The following PRSS3 variants were observed in gnomAD, a reference collection of about 807,000 sequenced individuals.
PRSS3 encodes trypsin-3.
In PRSS3, 14 loss-of-function variants were observed where a neutral mutation model predicts 20.8. That is an observed-to-expected ratio of 0.67 (90% CI 0.44 to 1.05). The LOEUF is 1.05. PRSS3 is among the 50% of genes least tolerant of loss of function. PRSS3 has a pLI of 0.00. For missense variants in PRSS3, 237 were observed against 306.4 expected (o/e 0.77, Z 1.69); for synonymous variants, 91 against 117.6 (o/e 0.77, Z 1.46).
At chr9:33,786,535 G>A in intron 1 of PRSS3, 1 of 764,962 alleles carries the variant, frequency 1.3e-6, no homozygotes, top group South Asian at 1.3e-5. Context: ...TAGGCTCTGT[G>A]TTCAGTGCTG....
intron 1 of PRSS3, among the ~76,000 whole-genome samples, chr9:33,757,635 G>A (rs1206419342): frequency 2.6e-5 from 4 of 152,070 alleles, no homozygotes; most frequent in Admixed American, 1.3e-4. Flanking sequence ...CTTCTTAGGC[G>A]ACTTCAACAA....
chr9:33,784,086 A>C (rs1824285099), intron 1 of PRSS3, among the ~76,000 whole-genome samples: 1 of 152,218 alleles, frequency 6.6e-6, no homozygotes, highest in Non-Finnish European at 1.5e-5. Context: ...CATTAAAATT[A>C]AATGAGAGTT....
At chr9:33,777,186 T>C (rs10971699) in intron 1 of PRSS3, among the ~76,000 whole-genome samples, 9,306 of 152,210 alleles carry the variant, frequency 0.061, 396 homozygotes, top group Non-Finnish European at 0.09. Context: ...CAGAATTTGA[T>C]ATAAAATATT....
At chr9:33,776,884 A>G (rs1185189014) in intron 1 of PRSS3, among the ~76,000 whole-genome samples, 2 of 152,118 alleles carry the variant, frequency 1.3e-5, no homozygotes, top group African/African-American at 2.4e-5. Context: ...AGATATAAAT[A>G]TTAAAAAGCA....
At position 33,799,220 on chromosome 9, in the gene PRSS3, G is replaced by C; in HGVS notation, c.*40G>C. On this transcript the variant is annotated 3_prime_UTR_variant, in exon 5 of 5. Coordinates refer to ENST00000379405, the MANE Select transcript of PRSS3 (RefSeq NM_002771.4). ...CTGCAGTCTCTATACCAATAAAGTG[G>C]CCCTGCTCTCACTCTGTGTCTGTGC... 6.5e-7 allele frequency: 1 copy of C among 1,533,588 alleles called. No homozygotes were observed. The highest frequency in any genetic ancestry group is 1.1e-5 in the South Asian group (1 of 87,600). The allele number at this position is 1,533,588 out of a possible 1,614,324, so 95.0% of individuals were successfully genotyped here.
At chr9:33,795,045 C>T (rs1451403715), upstream of PRSS3, among the ~76,000 whole-genome samples, 3 of 130,084 alleles carry the variant, frequency 2.3e-5, no homozygotes, top group African/African-American at 9.0e-5. Flanking sequence ...TTGGATTTGA[C>T]CTTTGTGCAC....
chr9:33,771,654 T>G (rs1311439530), intron 1 of PRSS3, among the ~76,000 whole-genome samples: 7 of 144,938 alleles, frequency 4.8e-5, no homozygotes, highest in African/African-American at 1.8e-4. Flanking sequence ...TGTTTTTTTT[T>G]TTTTTGAGAC....
intron 1 of PRSS3, among the ~76,000 whole-genome samples, chr9:33,770,148 CAA>C (rs75350050): frequency 5.0e-5 from 7 of 139,804 alleles, no homozygotes; most frequent in Admixed American, 7.3e-5. Context: ...GAAACTGTCT[CAA>C]AAAAAAAAAA....
chr9:33,763,586 C>G (rs1823298672), intron 1 of PRSS3, among the ~76,000 whole-genome samples: 1 of 151,480 alleles, frequency 6.6e-6, no homozygotes, highest in African/African-American at 2.4e-5. Flanking sequence ...GTAATCCCAG[C>G]TACTTGGGAG....
chr9:33,750,783 G>T lies in PRSS3; in HGVS notation c.-53+56G>T. On this transcript the variant is annotated intron_variant, in intron 1 of 5. Coordinates refer to the PRSS3 transcript ENST00000342836. The surrounding 1 kb of genome is among the most constrained non-coding windows in gnomAD (Gnocchi z 4.8). ...AACTGGAGGAGGGCTCGAAGGGAGA[G>T]GGAGCCCCGCCAAGGAGCGGGGCTG... The T allele has an allele frequency of 7.1e-7, 1 of 1,414,164 alleles. No individual in the cohort carries two copies. The allele number at this position is 1,414,164 out of a possible 1,614,324, so 87.6% of individuals were successfully genotyped here. A position where few individuals can be genotyped will look rare whatever the true frequency, so the allele number is the denominator to read the frequency against.
At position 33,758,743 on chromosome 9, in the gene PRSS3, C is replaced by G. The variant is rs139424421; in HGVS notation, c.-53+8016C>G. Among the ~76,000 whole-genome samples, 916 of 152,182 alleles carry G rather than the reference C, an allele frequency of 6.0e-3. 8 individuals carry two copies. The highest frequency in any genetic ancestry group is 0.02 in the African/African-American group (849 of 41,534). On this transcript the variant is annotated intron_variant, in intron 1 of 5. Transcript: ENST00000342836. ...GACTTACCTAGCTCTAAGAACTGTACGAAAATAGTGATGGTACCAACAATT... is the reference window on the plus strand; with the variant it reads ...GACTTACCTAGCTCTAAGAACTGTAGGAAAATAGTGATGGTACCAACAATT...
Position 33,799,130 on chromosome 9 carries a change from G to A in PRSS3, c.694G>A (p.Val232Ile). The change falls in exon 5 of 5, where the codon GTC becomes ATC. Residue 232 changes from valine to isoleucine, a missense_variant. By Grantham distance (29) the Val-to-Ile change is conservative. Transcript: ENST00000379405. ...WKNRPGVYTK[V>I]YNYVDWIKDT... Reference sequence around the variant, plus strand: ...GAACAGGCCTGGAGTCTACACCAAGGTCTACAACTATGTGGACTGGATTAA... The same window carrying A: ...GAACAGGCCTGGAGTCTACACCAAGATCTACAACTATGTGGACTGGATTAA... 1 of 1,614,178 alleles carries A rather than the reference G, an allele frequency of 6.2e-7. No individual in the cohort carries two copies. The highest frequency in any genetic ancestry group is 8.5e-7 in the Non-Finnish European group (1 of 1,180,036).
intron 1 of PRSS3, among the ~76,000 whole-genome samples, chr9:33,775,951 G>A (rs1460366717): frequency 6.6e-6 from 1 of 152,066 alleles, no homozygotes; most frequent in African/African-American, 2.4e-5. Flanking sequence ...TGATCTACCC[G>A]CCTCAGCCTC....
intron 1 of PRSS3, among the ~76,000 whole-genome samples, chr9:33,780,108 T>G (rs1285611123): frequency 1.3e-5 from 2 of 151,686 alleles, no homozygotes; most frequent in African/African-American, 2.4e-5. Context: ...CCAAGACACA[T>G]AGTCGTCAGA....
intron 1 of PRSS3, among the ~76,000 whole-genome samples, chr9:33,785,537 G>C (rs1417485101): frequency 1.3e-5 from 2 of 152,076 alleles, no homozygotes; most frequent in Non-Finnish European, 2.9e-5. Context: ...AGTTGAATTA[G>C]AATAGAAGAA....
At chr9:33,778,750 A>AC (rs1176711395) in intron 1 of PRSS3, among the ~76,000 whole-genome samples, 1 of 152,208 alleles carries the variant, frequency 6.6e-6, no homozygotes, top group East Asian at 1.9e-4. Flanking sequence ...AGCCTGGAAC[A>AC]CCTAACAAAA....
chr9:33,755,147 G>A (rs1462512158), intron 1 of PRSS3, among the ~76,000 whole-genome samples: 1 of 152,188 alleles, frequency 6.6e-6, no homozygotes, highest in East Asian at 1.9e-4. Flanking sequence ...AGGGCAGGTG[G>A]TTGCGGGAAT....
At chr9:33,776,286 C>T (rs1312117694) in intron 1 of PRSS3, among the ~76,000 whole-genome samples, 1 of 152,134 alleles carries the variant, frequency 6.6e-6, no homozygotes, top group Non-Finnish European at 1.5e-5. Context: ...GACCTTCAGA[C>T]ACACATAGGA....
intron 1 of PRSS3, among the ~76,000 whole-genome samples, chr9:33,772,395 A>G (rs1414576662): frequency 6.6e-6 from 1 of 152,138 alleles, no homozygotes; most frequent in African/African-American, 2.4e-5. Context: ...GATGTTCAGC[A>G]GTGTCCCTGG....
Sources: gnomAD v4.1 joint callset for allele counts (sites outside exome capture counted in the v4.1 genomes callset) on GRCh38, gnomAD v4.1.1 for gene constraint, Gnocchi (gnomAD v3.1) non-coding constraint, MANE v1.5 for transcripts, NCBI Gene and HGNC (gene_info 2026-07-23, HGNC 2026-07-21) for gene names.